Variants in PKHD1 observed in about 807,000 individuals in gnomAD.
PKHD1 encodes the protein PKHD1 ciliary IPT domain containing fibrocystin/polyductin, also known as fibrocystin.
Under a neutral mutation model 412.0 loss-of-function variants are expected in PKHD1, and 291 were observed. The observed-to-expected ratio is 0.71, with a 90% CI of 0.64 to 0.78. PKHD1 has a LOEUF of 0.78. PKHD1 is among the 30% of genes least tolerant of loss of function. PKHD1 has a pLI of 0.00. For synonymous variants in PKHD1, 1,777 were observed against 1,821.5 expected, an observed-to-expected ratio of 0.98 and a Z score of 0.62; for missense variants, 4,825 against 4,950.7, an observed-to-expected ratio of 0.97 and a Z score of 0.76.
intron 60 of PKHD1, among the ~76,000 whole-genome samples, chr6:51,685,134 T>C (rs146170468): frequency 6.6e-6 from 1 of 152,236 alleles, no homozygotes; most frequent in East Asian, 1.9e-4. Flanking sequence ...AGCCGCCTTC[T>C]GGGAAAATAT....
In PKHD1 at chr6:52,084,888, A is replaced by C. The variant is rs1219432577; in HGVS notation, c.46T>G (p.Leu16Val). ...ISLMSIEVLL[L>V]AVRHLSLHIE... ...CAAAACACATTCTACTGACCTGCCAAAAGTAGTACTTCAATACTCATCAGA... is the reference window on the plus strand; with the variant it reads ...CAAAACACATTCTACTGACCTGCCACAAGTAGTACTTCAATACTCATCAGA... Residue 16 changes from leucine to valine, a missense_variant, in exon 2 of 67, where the codon TTG becomes GTG. By Grantham distance (32) the Leu-to-Val change is conservative (BLOSUM62 1). Coordinates refer to ENST00000371117, the MANE Select transcript of PKHD1 (RefSeq NM_138694.4). 2 of 1,600,640 alleles carry C rather than the reference A, an allele frequency of 1.2e-6. No homozygotes were observed. Among genetic ancestry groups the C allele is most frequent in the Admixed American group, 3.3e-5 (2 of 60,006 alleles).
At chr6:51,806,363 A>G (rs1326581) in intron 52 of PKHD1, among the ~76,000 whole-genome samples, 90,837 of 152,020 alleles carry the variant, frequency 0.6, 27,559 homozygotes, top group East Asian at 0.78. Context: ...AGTGTCAAGA[A>G]CAACCCTGAG....
chr6:51,790,846 T>G (rs1304115603), intron 53 of PKHD1, among the ~76,000 whole-genome samples: 1 of 152,214 alleles, frequency 6.6e-6, no homozygotes. Context: ...AATTGAAATT[T>G]TATTGTGAGT....
At chr6:51,700,109 C>T (rs1031203404) in intron 60 of PKHD1, among the ~76,000 whole-genome samples, 4 of 151,892 alleles carry the variant, frequency 2.6e-5, no homozygotes, top group African/African-American at 9.7e-5. Context: ...ATTAACTATG[C>T]TATAATTCTG....
intron 60 of PKHD1, among the ~76,000 whole-genome samples, chr6:51,718,110 C>T (rs1245658783): frequency 6.6e-6 from 1 of 152,192 alleles, no homozygotes; most frequent in Non-Finnish European, 1.5e-5. Context: ...CTGCTCAAGA[C>T]AAAACAATTT....
chr6:51,705,737 TGGA>T (rs1289536909), intron 60 of PKHD1, among the ~76,000 whole-genome samples: 1 of 151,956 alleles, frequency 6.6e-6, no homozygotes, highest in Non-Finnish European at 1.5e-5. Context: ...CAGTAACAAC[TGGA>T]AATGAGGCTA....
chr6:51,797,759 T>C (rs1355965251), intron 52 of PKHD1, among the ~76,000 whole-genome samples: 2 of 152,192 alleles, frequency 1.3e-5, no homozygotes, highest in African/African-American at 4.8e-5. Flanking sequence ...TATCCAGCTT[T>C]AAAAGACTCT....
intron 50 of PKHD1, 53 bp downstream of exon 50, chr6:51,847,722 T>C (rs148342156): frequency 1.6e-6 from 2 of 1,228,076 alleles, no homozygotes; most frequent in East Asian, 2.3e-5. Context: ...TGAAGGGTGA[T>C]TGGTGATTTC....
At chr6:51,682,994 C>T (rs1049287375) in intron 60 of PKHD1, among the ~76,000 whole-genome samples, 2 of 152,058 alleles carry the variant, frequency 1.3e-5, no homozygotes, top group African/African-American at 4.8e-5. Flanking sequence ...AAAAAGGAGG[C>T]TTTTACCCAA....
At chr6:52,054,296 T>C in intron 19 of PKHD1, 131 bp from the exon 20 acceptor site, 1 of 781,622 alleles carries the variant, frequency 1.3e-6, no homozygotes, top group Non-Finnish European at 2.2e-6. Context: ...TTCCTGCCCT[T>C]CCAGAGCTTA....
At chr6:52,002,461 C>T (rs1370212588) in intron 35 of PKHD1, among the ~76,000 whole-genome samples, 3 of 152,172 alleles carry the variant, frequency 2.0e-5, no homozygotes, top group African/African-American at 4.8e-5. Flanking sequence ...GTAGGTAATT[C>T]TCATACATTT....
intron 60 of PKHD1, among the ~76,000 whole-genome samples, chr6:51,683,856 GAC>G (rs61466868): frequency 0.2 from 30,239 of 151,878 alleles, 3,885 homozygotes; most frequent in African/African-American, 0.37. Flanking sequence ...TTAAACGAGA[GAC>G]ACAGTGTTTG....
At position 52,012,438 on chromosome 6, in the gene PKHD1, T is replaced by G. The variant is rs542714693; in HGVS notation, c.5601-1979A>C. 3.3e-5 allele frequency among the ~76,000 whole-genome samples: 5 copies of G among 152,344 alleles called. No homozygotes were observed. In the South Asian group the frequency reaches 1.0e-3, roughly 32 times the overall value. On this transcript the variant is annotated intron_variant, in intron 34 of 66. Transcript: ENST00000371117. ...TCAAATTTGTTTTGAATCTGTAGCCTGCTATCTAGCTGTAAATCCATTCGC... is the reference window on the plus strand; with the variant it reads ...TCAAATTTGTTTTGAATCTGTAGCCGGCTATCTAGCTGTAAATCCATTCGC...
At chr6:51,761,700 T>A (rs1788045313) in intron 55 of PKHD1, among the ~76,000 whole-genome samples, 1 of 151,998 alleles carries the variant, frequency 6.6e-6, no homozygotes, top group Non-Finnish European at 1.5e-5. Flanking sequence ...TTGTACAGCA[T>A]AAATACATAA....
At chr6:52,055,508 C>T in intron 19 of PKHD1, 79 bp downstream of exon 19, 1 of 1,512,152 alleles carries the variant, frequency 6.6e-7, no homozygotes, top group Non-Finnish European at 9.2e-7. Context: ...CTTTGTGCTT[C>T]TGAGTTTTCA....
intron 57 of PKHD1, 139 bp downstream of exon 57, chr6:51,753,062 T>C: frequency 1.4e-6 from 1 of 740,616 alleles, no homozygotes; most frequent in East Asian, 2.6e-5. Flanking sequence ...TGAAAATTCA[T>C]AGCTTCTCCA....
Position 51,911,971 on chromosome 6 carries a change from AGG to A in PKHD1, c.6333-17_6333-16del, listed in dbSNP as rs779635397. On this transcript the variant is annotated splice_polypyrimidine_tract_variant and intron_variant, in intron 38 of 66. Coordinates refer to ENST00000371117, the MANE Select transcript of PKHD1 (RefSeq NM_138694.4). ...TGTGAGAATATCTGGAGAAAAAAAG[AGG>A]ATGATAGAACTGAGGACATCACTCC... The A allele has an allele frequency of 6.2e-7, 1 of 1,600,760 alleles. No homozygotes were observed.
intron 36 of PKHD1, among the ~76,000 whole-genome samples, chr6:51,942,550 G>A (rs1489749116): frequency 2.6e-5 from 4 of 151,200 alleles, no homozygotes; most frequent in Admixed American, 1.3e-4. Flanking sequence ...CACTGTTCCT[G>A]GCCCGGACTT....
chr6:51,861,022 AG>A (rs1774103533), intron 48 of PKHD1, among the ~76,000 whole-genome samples: 1 of 152,274 alleles, frequency 6.6e-6, no homozygotes, highest in African/African-American at 2.4e-5. Context: ...CATGTTGGCC[AG>A]GCTGGTCTCG....
Sources: gnomAD v4.1 joint callset for allele counts (sites outside exome capture counted in the v4.1 genomes callset) on GRCh38, gnomAD v4.1.1 for gene constraint, MANE v1.5 for transcripts, NCBI Gene and HGNC (gene_info 2026-07-23, HGNC 2026-07-21) for gene names.